GNL2: variants seen among roughly 807,000 people sequenced by gnomAD.
GNL2 encodes nucleolar GTP-binding protein 2.
Under a neutral mutation model 92.3 loss-of-function variants are expected in GNL2, and 51 were observed. The ratio of observed to expected loss-of-function variants is 0.55; its 90% CI spans 0.44 to 0.70. The LOEUF (loss-of-function observed/expected upper bound fraction) is 0.70. GNL2 is among the 30% of genes least tolerant of loss of function. The probability of loss-of-function intolerance (pLI) is 0.00; values close to 1 mark genes in which losing one functional copy is unlikely to be tolerated. For missense variants in GNL2, 844 were observed against 895.6 expected (o/e 0.94, Z 0.74); for synonymous variants, 283 against 300.6 (o/e 0.94, Z 0.61).
intron 12 of GNL2, among the ~76,000 whole-genome samples, chr1:37,573,963 C>T (rs1452698348): frequency 2.0e-5 from 3 of 152,114 alleles, no homozygotes; most frequent in African/African-American, 7.2e-5. Context: ...GGCACGATCT[C>T]GGCTCACTGC....
At chr1:37,577,077 C>A (rs1643689414) in intron 8 of GNL2, among the ~76,000 whole-genome samples, 1 of 150,390 alleles carries the variant, frequency 6.6e-6, no homozygotes. Flanking sequence ...ATGCACTGCA[C>A]TATAGCCTGG....
chr1:37,588,515 T>C (rs576757258), intron 4 of GNL2, among the ~76,000 whole-genome samples: 2 of 152,278 alleles, frequency 1.3e-5, no homozygotes, highest in South Asian at 4.1e-4. Flanking sequence ...AGCAGCTCAT[T>C]TTACATGGGA....
rs572821645 is a variant in GNL2 at position 37,574,703 on chromosome 1, G to C, written c.1264C>G (p.Leu422Val). The C allele has an allele frequency of 1.2e-6, 2 of 1,614,056 alleles. No individual in the cohort carries two copies. The highest frequency in any genetic ancestry group is 2.7e-5 in the African/African-American group (2 of 75,038). ...CCAGTCCGGAAAGCGAGCTTCTCAA[G>C]AAAGTCCTCAGCATTCTCCCAAGAA... ...IDSWENAEDF[L>V]EKLAFRTGKL... is the part of the protein sequence containing the mutation. Residue 422 changes from leucine (L) to valine (V), a missense_variant, in exon 11 of 16, where the codon CTT becomes GTT. Coordinates refer to ENST00000373062, the MANE Select transcript of GNL2 (RefSeq NM_013285.3).
intron 12 of GNL2, chr1:37,570,229 G>A (rs1643572679): frequency 6.6e-6 from 1 of 152,094 alleles, no homozygotes; most frequent in African/African-American, 2.4e-5. Flanking sequence ...GGATGGGTTC[G>A]TTTTTAAGAG....
At chr1:37,579,364 A>T (rs1643728257) in intron 8 of GNL2, among the ~76,000 whole-genome samples, 2 of 151,942 alleles carry the variant, frequency 1.3e-5, no homozygotes, top group African/African-American at 2.4e-5. Flanking sequence ...CCTGACCAAC[A>T]CGGAGAAGCC....
intron 8 of GNL2, chr1:37,581,505 C>T (rs187326909): frequency 8.8e-6 from 4 of 456,030 alleles, no homozygotes; most frequent in Admixed American, 2.3e-5. Context: ...GCACAGCAGG[C>T]CTGGAAAGCC....
Position 37,582,350 on chromosome 1 carries a change from T to C in GNL2, c.796-14A>G. 1 of 1,554,160 alleles carries C rather than the reference T, an allele frequency of 6.4e-7. No homozygotes were observed. The highest frequency in any genetic ancestry group is 8.8e-7 in the Non-Finnish European group (1 of 1,133,468). On this transcript the variant is annotated splice_polypyrimidine_tract_variant and intron_variant, in intron 7 of 15. Coordinates refer to ENST00000373062, the MANE Select transcript of GNL2 (RefSeq NM_013285.3). ...AACCCACCGTTTCTAGAAGGAGAGATGAAAACATTTTGGTAAACTGCAGTA... is the reference window on the plus strand; with the variant it reads ...AACCCACCGTTTCTAGAAGGAGAGACGAAAACATTTTGGTAAACTGCAGTA...
At chr1:37,581,111 C>G (rs1643759520) in intron 8 of GNL2, among the ~76,000 whole-genome samples, 1 of 152,076 alleles carries the variant, frequency 6.6e-6, no homozygotes, top group Non-Finnish European at 1.5e-5. Flanking sequence ...ATAGCAAATC[C>G]TCATTTTCCA....
chr1:37,575,444 G>A lies in GNL2; in HGVS notation c.1143+151C>T. ...TAATTCCTCAAACAGCTTATGCTGA[G>A]AGGCTGCTGTTCAGCATCATGTTCC... On this transcript the variant is annotated intron_variant, in intron 10 of 15. Transcript: ENST00000373062. This position sits in a 1 kb window ranked among gnomAD's most constrained non-coding sequence, Gnocchi z 4.1. 2.0e-6 allele frequency: 1 copy of A among 509,682 alleles called. No individual in the cohort carries two copies. Among genetic ancestry groups the A allele is most frequent in the Non-Finnish European group, 3.5e-6 (1 of 283,498 alleles). 31.6% of individuals were successfully genotyped at this position (509,682 alleles called of 1,614,324 possible).
intron 8 of GNL2, among the ~76,000 whole-genome samples, chr1:37,578,637 G>A (rs532839955): frequency 2.0e-4 from 31 of 151,548 alleles, no homozygotes; most frequent in African/African-American, 7.3e-4. Flanking sequence ...AGCTCTCTGC[G>A]GCCTCTGTCT....
rs1343518705 is a variant in GNL2 at position 37,582,836 on chromosome 1, G to C, written c.737C>G (p.Pro246Arg). ...AAGTACAAAAATGAGGTGTTTCCAA[G>C]GTTTTTCCTTCTTCAGGTAAGTTTC... ...HIETYLKKEK[P>R]WKHLIFVLNK... is the part of the protein sequence containing the mutation. Residue 246 changes from proline (P) to arginine (R), a missense_variant, in exon 7 of 16, where the codon CCT (proline) becomes CGT (arginine). Physicochemically the swap from Pro to Arg is moderately radical, Grantham distance 103. Coordinates refer to ENST00000373062, the MANE Select transcript of GNL2 (RefSeq NM_013285.3). 5 of 1,613,784 alleles carry C rather than the reference G, an allele frequency of 3.1e-6. No homozygotes were observed. The highest frequency in any genetic ancestry group is 4.2e-6 in the Non-Finnish European group (5 of 1,179,774).
intron 8 of GNL2, among the ~76,000 whole-genome samples, chr1:37,580,888 T>A (rs1013930262): frequency 2.6e-5 from 4 of 152,222 alleles, no homozygotes; most frequent in Admixed American, 6.5e-5. Context: ...TTTACAGTCA[T>A]GACAATGTAA....
chr1:37,577,754 T>C (rs777859916), intron 8 of GNL2, among the ~76,000 whole-genome samples: 4 of 152,170 alleles, frequency 2.6e-5, no homozygotes, highest in Non-Finnish European at 5.9e-5. Context: ...GACCAGCAGA[T>C]AGTCTGCCAA....
chr1:37,583,429 A>C (rs1643802919), intron 6 of GNL2: 1 of 159,622 alleles, frequency 6.3e-6, no homozygotes, highest in Non-Finnish European at 1.4e-5. Context: ...GTTAAAGATC[A>C]CTGGATCAGA....
At chr1:37,587,920 G>A (rs1452261108) in intron 4 of GNL2, among the ~76,000 whole-genome samples, 2 of 151,994 alleles carry the variant, frequency 1.3e-5, no homozygotes, top group Non-Finnish European at 2.9e-5. Context: ...ATTTTGTCAA[G>A]GACAATCATA....
At chr1:37,570,802 T>C (rs969572151) in intron 12 of GNL2, 5 of 152,210 alleles carry the variant, frequency 3.3e-5, no homozygotes, top group Non-Finnish European at 5.9e-5. Flanking sequence ...AATTCTGTGA[T>C]TGAAGAGAGT....
At chr1:37,590,634 A>C (rs2148144083) in intron 4 of GNL2, 72 bp downstream of exon 4, 1 of 1,254,792 alleles carries the variant, frequency 8.0e-7, no homozygotes, top group Middle Eastern at 2.4e-4. Flanking sequence ...AACAAAAGAC[A>C]AATATGTTAG....
At position 37,575,670 on chromosome 1, in the gene GNL2, C is replaced by A; in HGVS notation, c.1068G>T (p.Arg356=). 6.2e-7 allele frequency: 1 copy of A among 1,602,884 alleles called. No homozygotes were observed. The highest frequency in any genetic ancestry group is 2.3e-5 in the East Asian group (1 of 44,396). ...CACCTGGACAGTCAATCAGGAATAT[C>A]CGACGCATCAAAGTAATATACTGCC... is the stretch of plus-strand genomic sequence containing the variant. The part of the protein sequence containing the change: ...KVWQYITLMR[R]IFLIDCPGVV... Residue 356 remains arginine, a synonymous_variant, in exon 10 of 16, where the codon CGG becomes CGT. Transcript: ENST00000373062. This position sits in a 1 kb window ranked among gnomAD's most constrained non-coding sequence, Gnocchi z 4.1.
At chr1:37,568,160 C>T (rs1557635913) in intron 14 of GNL2, 115 bp downstream of exon 14, 4 of 664,078 alleles carry the variant, frequency 6.0e-6, no homozygotes, top group African/African-American at 1.8e-5. Context: ...AGTAATCTGC[C>T]AGATATGACA....
Sources: gnomAD v4.1 joint callset for allele counts (sites outside exome capture counted in the v4.1 genomes callset) on GRCh38, gnomAD v4.1.1 for gene constraint, Gnocchi (gnomAD v3.1) non-coding constraint, MANE v1.5 for transcripts, NCBI Gene and HGNC (gene_info 2026-07-23, HGNC 2026-07-21) for gene names.